The following MYO5A variants were observed in gnomAD, a reference collection of about 807,000 sequenced individuals.
The protein encoded by MYO5A is myosin VA, also known as unconventional myosin-Va.
A neutral mutation model predicts 249.7 loss-of-function variants in MYO5A; 98 were observed. The ratio of observed to expected loss-of-function variants is 0.39; its 90% CI spans 0.33 to 0.46. MYO5A has a LOEUF of 0.46. MYO5A is among the 20% of genes least tolerant of loss of function. The probability of loss-of-function intolerance (pLI) is 0.98; values close to 1 mark genes in which losing one functional copy is unlikely to be tolerated. For missense variants in MYO5A, 1,696 were observed against 2,308.8 expected, an observed-to-expected ratio of 0.73 and a Z score of 5.44; for synonymous variants, 778 against 810.6, an observed-to-expected ratio of 0.96 and a Z score of 0.68.
intron 1 of MYO5A, among the ~76,000 whole-genome samples, chr15:52,518,650 G>A (rs1036230406): frequency 6.6e-6 from 1 of 152,260 alleles, no homozygotes; most frequent in East Asian, 1.9e-4. Flanking sequence ...AGTGTTTTAA[G>A]GTGAGATCAT....
At chr15:52,420,280 G>A (rs2043723908) in intron 4 of MYO5A, among the ~76,000 whole-genome samples, 1 of 149,460 alleles carries the variant, frequency 6.7e-6, no homozygotes, top group African/African-American at 2.5e-5. Flanking sequence ...ACCCTTGCCT[G>A]GGTGACATAG....
chr15:52,524,030 T>C (rs903505413), intron 1 of MYO5A, among the ~76,000 whole-genome samples: 1 of 152,218 alleles, frequency 6.6e-6, no homozygotes, highest in African/African-American at 2.4e-5. Flanking sequence ...GGCTCCTGTA[T>C]ATATGAGAGG....
chr15:52,334,450 C>T (rs1317757410), intron 34 of MYO5A, among the ~76,000 whole-genome samples: 1 of 152,008 alleles, frequency 6.6e-6, no homozygotes, highest in African/African-American at 2.4e-5. Context: ...CATTATAGCT[C>T]ATGTGTGTGT....
intron 1 of MYO5A, among the ~76,000 whole-genome samples, chr15:52,500,613 G>A (rs1359921912): frequency 6.6e-6 from 1 of 152,108 alleles, no homozygotes; most frequent in Non-Finnish European, 1.5e-5. Context: ...CTCCCAAAGT[G>A]CTGGGATTAC....
At chr15:52,491,723 G>T (rs564508076) in intron 1 of MYO5A, among the ~76,000 whole-genome samples, 1 of 152,084 alleles carries the variant, frequency 6.6e-6, no homozygotes, top group Non-Finnish European at 1.5e-5. Flanking sequence ...GGAAATTAAG[G>T]CATATCCTCA....
intron 1 of MYO5A, among the ~76,000 whole-genome samples, chr15:52,489,568 A>T (rs1457687871): frequency 2.0e-5 from 3 of 152,036 alleles, no homozygotes; most frequent in Non-Finnish European, 2.9e-5. Context: ...GTCTAAAAAA[A>T]AAAAAAAAAA....
In MYO5A at chr15:52,495,354, G is replaced by A. The variant is rs961031658; in HGVS notation, c.27+33426C>T. On this transcript the variant is annotated intron_variant, in intron 1 of 41. Transcript: ENST00000399233. The stretch of plus-strand genomic sequence containing the variant: ...ATGTGGATTGTAAAAAAAAGTCAAA[G>A]TCATAGAAGCAGAGAGTGAAATGGA... Among the ~76,000 whole-genome samples, 3 of 152,164 alleles carry A rather than the reference G, an allele frequency of 2.0e-5. No homozygotes were observed. The South Asian group carries it at 6.2e-4, about 31-fold the overall frequency.
At chr15:52,363,302 G>A (rs903824422) in intron 24 of MYO5A, among the ~76,000 whole-genome samples, 2 of 152,314 alleles carry the variant, frequency 1.3e-5, no homozygotes, top group East Asian at 3.9e-4. Context: ...ACGGTAGCAC[G>A]GTGATCTAGG....
chr15:52,369,262 C>T (rs191116709), intron 22 of MYO5A, among the ~76,000 whole-genome samples: 10 of 152,314 alleles, frequency 6.6e-5, no homozygotes, highest in African/African-American at 2.4e-4. Context: ...GAAGTCAGTA[C>T]AGACAAACCA....
chr15:52,504,643 G>A (rs946863406), intron 1 of MYO5A, among the ~76,000 whole-genome samples: 4 of 152,042 alleles, frequency 2.6e-5, no homozygotes, highest in African/African-American at 7.2e-5. Flanking sequence ...GGCTCACGTC[G>A]GTAATCCCAG....
intron 29 of MYO5A, 86 bp downstream of exon 29, chr15:52,348,732 T>C (rs1596325066): frequency 9.0e-7 from 1 of 1,109,372 alleles, no homozygotes; most frequent in Non-Finnish European, 1.3e-6. Flanking sequence ...TCAGAAAGCA[T>C]CAATTGCCTT....
At chr15:52,376,266 C>T (rs2041407409) in intron 19 of MYO5A, 81 bp downstream of exon 19, 1 of 1,323,062 alleles carries the variant, frequency 7.6e-7, no homozygotes, top group Non-Finnish European at 1.1e-6. Flanking sequence ...GTTATCTTTT[C>T]AGCTATGGTG....
At chr15:52,364,809 G>C (rs1254052107) in intron 23 of MYO5A, 107 bp from the exon 24 acceptor site, 5 of 1,284,526 alleles carry the variant, frequency 3.9e-6, no homozygotes, top group Non-Finnish European at 5.5e-6. Flanking sequence ...TTTACTTTTA[G>C]TATCACTGTG....
chr15:52,410,396 T>C lies in MYO5A; in HGVS notation c.693A>G (p.Arg231=). Reference sequence around the variant, plus strand: ...TCATATTGGCACCAATGATTCGATATCTCTTATCAAAACCAATCTCAATAT... The same window carrying C: ...TCATATTGGCACCAATGATTCGATACCTCTTATCAAAACCAATCTCAATAT... ...GKYIEIGFDK[R]YRIIGANMRT... is the part of the protein sequence containing the mutation. The change falls in exon 6 of 42, where the codon AGA becomes AGG. Residue 231 remains arginine, a synonymous_variant. Transcript: ENST00000399233. The C allele has an allele frequency of 6.2e-7, 1 of 1,613,486 alleles. No homozygotes were observed. Among genetic ancestry groups the C allele is most frequent in the Non-Finnish European group, 8.5e-7 (1 of 1,179,454 alleles).
At chr15:52,355,132 A>G (rs143337627) in intron 25 of MYO5A, among the ~76,000 whole-genome samples, 18 of 152,356 alleles carry the variant, frequency 1.2e-4, no homozygotes, top group African/African-American at 4.1e-4. Flanking sequence ...CAGATTCTAC[A>G]TTTACAATCA....
intron 4 of MYO5A, among the ~76,000 whole-genome samples, chr15:52,421,423 T>C (rs2043787598): frequency 6.6e-6 from 1 of 152,238 alleles, no homozygotes; most frequent in South Asian, 2.1e-4. Context: ...CAGCTTATAT[T>C]GGAATAGAAC....
intron 20 of MYO5A, among the ~76,000 whole-genome samples, chr15:52,374,306 C>T (rs1596364527): frequency 6.6e-6 from 1 of 152,144 alleles, no homozygotes; most frequent in East Asian, 1.9e-4. Flanking sequence ...TATAATTTGC[C>T]TCCTCTTCAC....
chr15:52,419,313 T>C (rs1308227138), intron 4 of MYO5A, among the ~76,000 whole-genome samples: 6 of 152,178 alleles, frequency 3.9e-5, no homozygotes, highest in Non-Finnish European at 8.8e-5. Context: ...AAAGAGAAAA[T>C]ATTAAGTTAG....
intron 1 of MYO5A, among the ~76,000 whole-genome samples, chr15:52,496,874 C>T (rs1438134395): frequency 1.3e-5 from 2 of 152,332 alleles, no homozygotes; most frequent in African/African-American, 4.8e-5. Context: ...TGAGTTGGCA[C>T]AATGGGGATG....
Sources: gnomAD v4.1 joint callset for allele counts (sites outside exome capture counted in the v4.1 genomes callset) on GRCh38, gnomAD v4.1.1 for gene constraint, MANE v1.5 for transcripts, NCBI Gene and HGNC (gene_info 2026-07-23, HGNC 2026-07-21) for gene names.